Variants in TUBGCP2 observed in about 807,000 individuals in gnomAD.
TUBGCP2 encodes tubulin gamma complex component 2, also known as gamma-tubulin complex component 2.
A neutral mutation model predicts 92.2 loss-of-function variants in TUBGCP2; 55 were observed. The ratio of observed to expected loss-of-function variants is 0.60; its 90% CI spans 0.48 to 0.75. The LOEUF is 0.75. Ranked by LOEUF, TUBGCP2 falls within the 30% of genes least tolerant of loss-of-function variation. The probability of loss-of-function intolerance (pLI) is 0.00; values close to 1 mark genes in which losing one functional copy is unlikely to be tolerated. For synonymous variants in TUBGCP2, 533 were observed against 505.2 expected (o/e 1.06, Z -0.74); for missense variants, 1,093 against 1,188.9 (o/e 0.92, Z 1.19).
In TUBGCP2 at chr10:133,285,024, C is replaced by A; in HGVS notation, c.2024+61G>T. 6.5e-7 allele frequency: 1 copy of A among 1,545,014 alleles called. No homozygotes were observed. The highest frequency in any genetic ancestry group is 1.2e-5 in the South Asian group (1 of 81,650). ...AGGGCACAAGGGGGGCGCTGCACCA[C>A]TGGGCAGAGTGCAGCGAGCGCTGCT... On this transcript the variant is annotated intron_variant, in intron 13 of 17. Transcript: ENST00000252936. The surrounding 1 kb of genome is among the most constrained non-coding windows in gnomAD (Gnocchi z 6.8).
At chr10:133,309,398 C>A, upstream of TUBGCP2, 1 of 1,611,724 alleles carries the variant, frequency 6.2e-7, no homozygotes, top group Admixed American at 1.7e-5. Flanking sequence ...AGGATGGGGA[C>A]GTGCAGCGCC....
At position 133,288,158 on chromosome 10, in the gene TUBGCP2, T is replaced by C; in HGVS notation, c.1693A>G (p.Asn565Asp). Residue 565 changes from asparagine (N) to aspartate (D), a missense_variant, in exon 11 of 18, where the codon AAC becomes GAC. Asn to Asp is a conservative substitution (Grantham distance 23, BLOSUM62 1). Around this residue, in one of 3 missense-constraint regions of TUBGCP2, gnomAD observed 598 missense variants for 675.5 expected, o/e 0.89. Coordinates refer to ENST00000252936, the MANE Select transcript of TUBGCP2 (RefSeq NM_006659.4). ...LELALRMSTANTDPFKDDLKI... is the reference protein window; with the variant it reads ...LELALRMSTADTDPFKDDLKI... ...AGGTCGTCCTTGAAGGGGTCAGTGT[T>C]GGCCGTGCTCATGCGCAGCGCCAGC... The C allele has an allele frequency of 6.2e-7, 1 of 1,613,792 alleles. No homozygotes were observed. The highest frequency in any genetic ancestry group is 1.1e-5 in the South Asian group (1 of 91,074).
rs1564937829 is a variant in TUBGCP2 at position 133,289,814 on chromosome 10, T to TGCGCCGCGGACGCCAAGTCCCTGCCCGCC, written c.1360+9_1360+10insGGCGGGCAGGGACTTGGCGTCCGCGGCGC. ...CTGCGCACCCCAAGTCCCCGCCCGCTGCGCCGCACCTGTGCTGAGGATCTT... is the reference window on the plus strand; with the variant it reads ...CTGCGCACCCCAAGTCCCCGCCCGCTGCGCCGCGGACGCCAAGTCCCTGCCCGCCGCGCCGCACCTGTGCTGAGGATCTT... On this transcript the variant is annotated intron_variant, in intron 9 of 17. Coordinates refer to ENST00000252936, the MANE Select transcript of TUBGCP2 (RefSeq NM_006659.4). 1 of 1,613,972 alleles carries TGCGCCGCGGACGCCAAGTCCCTGCCCGCC rather than the reference T, an allele frequency of 6.2e-7. No homozygotes were observed. Among genetic ancestry groups the TGCGCCGCGGACGCCAAGTCCCTGCCCGCC allele is most frequent in the Non-Finnish European group, 8.5e-7 (1 of 1,179,942 alleles).
upstream of TUBGCP2, chr10:133,310,112 G>A (rs924939199): frequency 4.8e-5 from 78 of 1,612,120 alleles, 3 homozygotes; most frequent in Admixed American, 1.1e-3. Context: ...CGGGGGCATG[G>A]CGGTGGGGGA....
rs1334601581 is a variant in TUBGCP2 at position 133,293,071 on chromosome 10, G to A, written c.992C>T (p.Ala331Val). ...LQKLWFYIQP[A>V]MRTMDILASL... ...GGCCAGGATGTCCATGGTGCGCATG[G>A]CTGGCTGGATGTAGAACCAGAGCTT... Residue 331 changes from alanine (A) to valine (V), a missense_variant, in exon 7 of 18, where the codon GCC becomes GTC. Coordinates refer to ENST00000252936, the MANE Select transcript of TUBGCP2 (RefSeq NM_006659.4). 1 of 1,613,446 alleles carries A rather than the reference G, an allele frequency of 6.2e-7. No individual in the cohort carries two copies. Among genetic ancestry groups the A allele is most frequent in the African/African-American group, 1.3e-5 (1 of 74,914 alleles).
intron 14 of TUBGCP2, 60 bp from the exon 15 acceptor site, chr10:133,283,281 T>A: frequency 6.2e-7 from 1 of 1,607,112 alleles, no homozygotes; most frequent in Non-Finnish European, 8.5e-7. Context: ...GGGCCCTGCA[T>A]GCGCACGTGC....
chr10:133,311,555 C>T, upstream of TUBGCP2: 1 of 612,260 alleles, frequency 1.6e-6, no homozygotes, highest in Non-Finnish European at 2.8e-6. Flanking sequence ...TCTCCTTTTC[C>T]CAGTATCTTA....
At chr10:133,303,905 A>C (rs1295678965) in intron 1 of TUBGCP2, among the ~76,000 whole-genome samples, 1 of 152,242 alleles carries the variant, frequency 6.6e-6, no homozygotes, top group African/African-American at 2.4e-5. Context: ...AGTGGGCAGC[A>C]GAACACTGCG....
At chr10:133,293,281 AG>A in intron 6 of TUBGCP2, 43 bp from the exon 7 acceptor site, 1 of 1,597,516 alleles carries the variant, frequency 6.3e-7, no homozygotes, top group Non-Finnish European at 8.6e-7. Flanking sequence ...GGCAAGCTGC[AG>A]GCACATACAA....
chr10:133,294,334 G>A (rs1039149865), intron 5 of TUBGCP2, among the ~76,000 whole-genome samples: 27 of 152,352 alleles, frequency 1.8e-4, no homozygotes, highest in African/African-American at 6.0e-4. Context: ...CCATGCCTGG[G>A]GGGCCGGGAG....
intron 1 of TUBGCP2, among the ~76,000 whole-genome samples, chr10:133,307,646 G>A (rs566624498): frequency 6.6e-6 from 1 of 152,342 alleles, no homozygotes; most frequent in East Asian, 1.9e-4. Flanking sequence ...TTGGGAAGCT[G>A]AGGCACGAGA....
Position 133,299,583 on chromosome 10 carries a change from C to T in TUBGCP2, c.300G>A (p.Gln100=). The change falls in exon 4 of 18, where the codon CAG becomes CAA. Residue 100 remains glutamine (Q), a synonymous_variant. Transcript: ENST00000252936. ...CAAGCTCAGCTCTTTCTTTTGCATT[C>T]TGTTGTAAGTACTGCAGAGTCTGAA... ...EDKETLQYLQ[Q]NAKERAELAA... 6.2e-7 allele frequency: 1 copy of T among 1,612,476 alleles called. No homozygotes were observed. Among genetic ancestry groups the T allele is most frequent in the Non-Finnish European group, 8.5e-7 (1 of 1,179,212 alleles).
At chr10:133,284,051 C>T in intron 13 of TUBGCP2, 49 bp from the exon 14 acceptor site, 3 of 1,596,636 alleles carry the variant, frequency 1.9e-6, no homozygotes, top group Non-Finnish European at 8.5e-7. Context: ...GCGGCCCCGA[C>T]AGCGCCCACC....
chr10:133,299,369 G>T, intron 4 of TUBGCP2, 58 bp downstream of exon 4: 1 of 1,461,846 alleles, frequency 6.8e-7, no homozygotes, highest in Non-Finnish European at 9.1e-7. Flanking sequence ...GCCTGTGGAC[G>T]CCACGGACAC....
rs1757071766 is a variant in TUBGCP2 at position 133,299,423 on chromosome 10, G to A, written c.456+4C>T. 1 of 1,591,604 alleles carries A rather than the reference G, an allele frequency of 6.3e-7. No homozygotes were observed. Among genetic ancestry groups the A allele is most frequent in the Non-Finnish European group, 8.5e-7 (1 of 1,172,494 alleles). On this transcript the variant is annotated splice_donor_region_variant and intron_variant, in intron 4 of 17. Transcript: ENST00000252936. The stretch of plus-strand genomic sequence containing the variant: ...GAGCCTGTGGACAGCCATGGACGCA[G>A]TACCTGCTGCAGCGTGGAGCCTGTG...
At chr10:133,309,539 T>A, upstream of TUBGCP2, 1 of 1,512,750 alleles carries the variant, frequency 6.6e-7, no homozygotes, top group Non-Finnish European at 9.0e-7. Context: ...CCTGGGGCTG[T>A]GCTGCCGCTC....
At chr10:133,311,569 C>T (rs1589844114), upstream of TUBGCP2, 1 of 666,632 alleles carries the variant, frequency 1.5e-6, no homozygotes, top group South Asian at 1.9e-5. Flanking sequence ...TATCTTAAAC[C>T]ACACTATAAA....
At chr10:133,284,124 G>C (rs1005389948) in intron 13 of TUBGCP2, 122 bp from the exon 14 acceptor site, 3 of 1,450,146 alleles carry the variant, frequency 2.1e-6, no homozygotes, top group Admixed American at 4.6e-5. Flanking sequence ...TATTTCCTCT[G>C]CAGAGCAAGC....
intron 1 of TUBGCP2, among the ~76,000 whole-genome samples, chr10:133,307,320 C>T (rs554517553): frequency 6.6e-6 from 1 of 152,330 alleles, no homozygotes; most frequent in South Asian, 2.1e-4. Flanking sequence ...GCAATGCACG[C>T]ATGTCACACT....
Sources: allele counts gnomAD v4.1 joint callset (sites outside exome capture counted in the v4.1 genomes callset), GRCh38; gene constraint gnomAD v4.1.1; regional missense constraint gnomAD v4.1.1; non-coding constraint Gnocchi (gnomAD v3.1); transcripts MANE v1.5; gene names NCBI Gene and HGNC (gene_info 2026-07-23, HGNC 2026-07-21).